PAH: variants seen among roughly 807,000 people sequenced by gnomAD.
PAH encodes the protein phenylalanine-4-hydroxylase.
In PAH, 64 loss-of-function variants were observed where a neutral mutation model predicts 62.0. The ratio of observed to expected loss-of-function variants is 1.03; its 90% confidence interval spans 0.84 to 1.27. The LOEUF is 1.27. Ranked by LOEUF, PAH falls within the 50% of genes most tolerant of loss-of-function variation. PAH has a pLI of 0.00. For synonymous variants in PAH, 195 were observed against 196.2 expected, an observed-to-expected ratio of 0.99 and a Z score of 0.05; for missense variants, 579 against 542.8, an observed-to-expected ratio of 1.07 and a Z score of -0.66.
chr12:102,917,376 G>A, upstream of PAH: 1 of 532,906 alleles, frequency 1.9e-6, no homozygotes, highest in East Asian at 3.4e-5. Context: ...GGAGGGGAGG[G>A]GCTGAGGGAG....
intron 6 of PAH, 128 bp downstream of exon 6, chr12:102,855,008 A>C (rs541025637): frequency 1.3e-6 from 1 of 785,790 alleles, no homozygotes; most frequent in South Asian, 1.4e-5. Context: ...GGAGGAATCA[A>C]CCTGCATGCA....
chr12:102,878,872 A>G (rs1272036010), intron 3 of PAH, among the ~76,000 whole-genome samples: 2 of 152,140 alleles, frequency 1.3e-5, no homozygotes, highest in African/African-American at 4.8e-5. Flanking sequence ...TGCGCGGGTA[A>G]GAAACTGGGG....
At chr12:102,845,019 C>G (rs1874775308) in intron 9 of PAH, among the ~76,000 whole-genome samples, 1 of 152,144 alleles carries the variant, frequency 6.6e-6, no homozygotes, top group African/African-American at 2.4e-5. Context: ...CTATATATAT[C>G]TCACTGGTTC....
chr12:102,929,818 A>G (rs958862701), intron 1 of PAH, among the ~76,000 whole-genome samples: 5 of 152,192 alleles, frequency 3.3e-5, no homozygotes, highest in African/African-American at 7.2e-5. Flanking sequence ...ATGAGCCAGC[A>G]TGAGAAACAG....
chr12:102,905,033 T>A (rs1373270291), intron 2 of PAH, among the ~76,000 whole-genome samples: 2 of 152,166 alleles, frequency 1.3e-5, no homozygotes, highest in Non-Finnish European at 2.9e-5. Flanking sequence ...TCACGCTTTC[T>A]CAAAGATTCC....
At chr12:102,956,239 C>G (rs531193369) in intron 1 of PAH, among the ~76,000 whole-genome samples, 1 of 152,348 alleles carries the variant, frequency 6.6e-6, no homozygotes, top group African/African-American at 2.4e-5. Flanking sequence ...TAGACAAGAC[C>G]TGAGACATGC....
At chr12:102,917,799 C>T (rs1237159130), upstream of PAH, among the ~76,000 whole-genome samples, 3 of 152,186 alleles carry the variant, frequency 2.0e-5, no homozygotes, top group Non-Finnish European at 4.4e-5. Flanking sequence ...CAGCTATTCG[C>T]ACAACTGCTC....
intron 1 of PAH, among the ~76,000 whole-genome samples, chr12:102,933,160 TTCTC>T (rs896730725): frequency 2.0e-5 from 3 of 152,202 alleles, no homozygotes; most frequent in African/African-American, 7.2e-5. Flanking sequence ...CCCATTGTTC[TTCTC>T]TCTGTCTCCA....
intron 3 of PAH, among the ~76,000 whole-genome samples, chr12:102,881,888 C>T (rs757725874): frequency 6.6e-6 from 1 of 152,090 alleles, no homozygotes; most frequent in Admixed American, 6.6e-5. Flanking sequence ...TAGGTTGTTT[C>T]CCTTGGCTGT....
chr12:102,839,902 A>G lies in PAH; in HGVS notation c.1315+498T>C, dbSNP rs1874510799. On this transcript the variant is annotated intron_variant, in intron 12 of 12. Transcript: ENST00000553106. ...AGAGCATGAGAACTAAAAATTGATC[A>G]GTGTTGCTGGAAGAGAGTATGAAGG... is the stretch of plus-strand genomic sequence containing the variant. Among the ~76,000 whole-genome samples, 2 of 152,254 alleles carry G rather than the reference A, an allele frequency of 1.3e-5. 1 individual carries two copies. Among genetic ancestry groups the G allele is most frequent in the Middle Eastern group, 6.3e-3 (2 of 316 alleles).
intron 1 of PAH, among the ~76,000 whole-genome samples, chr12:102,932,593 A>C (rs954788615): frequency 2.6e-5 from 4 of 152,234 alleles, no homozygotes; most frequent in African/African-American, 9.6e-5. Context: ...TTACATATAC[A>C]TATATCTTAC....
chr12:102,942,873 T>C (rs1007104159), intron 1 of PAH, among the ~76,000 whole-genome samples: 31 of 152,182 alleles, frequency 2.0e-4, no homozygotes, highest in African/African-American at 7.2e-4. Context: ...ATGCTGAAGA[T>C]TGAAACTGTA....
chr12:102,897,651 CT>C lies in PAH; in HGVS notation c.169-2734del, dbSNP rs1053887049. On this transcript the variant is annotated intron_variant, in intron 2 of 12. Coordinates refer to ENST00000553106, the MANE Select transcript of PAH (RefSeq NM_000277.3). ...TGCATTATCAGAAAAAAGGCAATAA[CT>C]TCTTTCTCAAAGGCAATAACTGCCT... 8.9e-4 allele frequency among the ~76,000 whole-genome samples: 136 copies of C among 152,182 alleles called. 1 individual carries two copies. The highest frequency in any genetic ancestry group is 3.2e-3 in the African/African-American group (133 of 41,530).
At chr12:102,859,040 T>C (rs1009548006) in intron 5 of PAH, among the ~76,000 whole-genome samples, 26 of 151,938 alleles carry the variant, frequency 1.7e-4, no homozygotes, top group African/African-American at 6.0e-4. Context: ...CAGGAGCTGG[T>C]TTTTTTGAAA....
Position 102,875,649 on chromosome 12 carries a change from G to A in PAH, c.441+1813C>T, listed in dbSNP as rs146656365. On this transcript the variant is annotated intron_variant, in intron 4 of 12. Coordinates refer to ENST00000553106, the MANE Select transcript of PAH (RefSeq NM_000277.3). The stretch of plus-strand genomic sequence containing the variant: ...GCTACATGGTATATAGGATGGAATG[G>A]GGGTCAAAAGTCCCCACATTTACCT... Among the ~76,000 whole-genome samples the A allele has an allele frequency of 8.1e-4, 123 of 152,260 alleles. 1 individual carries two copies. The East Asian group carries it at 0.021, about 26-fold the overall frequency.
Position 102,844,626 on chromosome 12 carries a change from C to T in PAH, c.970-195G>A, listed in dbSNP as rs1072528. ...GGGGAAGATCTTTCCTCATTGTGGGCGGGAACCACCCAATGGGCTGGAATC... is the reference window on the plus strand; with the variant it reads ...GGGGAAGATCTTTCCTCATTGTGGGTGGGAACCACCCAATGGGCTGGAATC... On this transcript the variant is annotated intron_variant, in intron 9 of 12. Transcript: ENST00000553106. 0.23 allele frequency among the ~76,000 whole-genome samples: 34,966 copies of T among 151,912 alleles called. 5,119 individuals carry two copies. The highest frequency in any genetic ancestry group is 0.75 in the East Asian group (3,874 of 5,154).
chr12:102,864,048 G>A (rs912585483), intron 5 of PAH, among the ~76,000 whole-genome samples: 3 of 152,084 alleles, frequency 2.0e-5, no homozygotes, highest in Non-Finnish European at 4.4e-5. Context: ...TGAGCACTGT[G>A]ACAAAACAGT....
intron 1 of PAH, among the ~76,000 whole-genome samples, chr12:102,942,190 C>T (rs1031622891): frequency 1.3e-4 from 20 of 151,932 alleles, no homozygotes; most frequent in Admixed American, 7.2e-4. Flanking sequence ...TGCTCTAAGG[C>T]GTCTAGATCT....
intron 5 of PAH, among the ~76,000 whole-genome samples, chr12:102,857,268 A>G (rs1030883691): frequency 6.6e-6 from 1 of 152,224 alleles, no homozygotes; most frequent in Non-Finnish European, 1.5e-5. Flanking sequence ...TGAGAAGTTT[A>G]GAGAAAAAAG....
Sources: allele counts gnomAD v4.1 joint callset (sites outside exome capture counted in the v4.1 genomes callset), GRCh38; gene constraint gnomAD v4.1.1; transcripts MANE v1.5; gene names NCBI Gene and HGNC (gene_info 2026-07-23, HGNC 2026-07-21).